Variants in PCDH11X observed in about 807,000 individuals in gnomAD.
PCDH11X encodes protocadherin-11 X-linked.
PCDH11X carries 18 observed loss-of-function variants against 53.3 expected under a neutral mutation model. That is an observed-to-expected ratio of 0.34 (90% confidence interval 0.23 to 0.50). The LOEUF is 0.50. PCDH11X is among the 20% of genes least tolerant of loss of function. PCDH11X has a pLI of 0.98. For synonymous variants in PCDH11X, 279 were observed against 393.3 expected, an observed-to-expected ratio of 0.71 and a Z score of 3.44; for missense variants, 570 against 1,032.4, an observed-to-expected ratio of 0.55 and a Z score of 6.14.
chrX:91,977,262 A>G (rs2062059293), intron 6 of PCDH11X, among the ~76,000 whole-genome samples: 1 of 111,819 alleles, frequency 8.9e-6, no homozygotes. Flanking sequence ...GCCTCTTGTC[A>G]TTGCTGTAGC....
chrX:92,540,705 A>G (rs896058899), intron 10 of PCDH11X, among the ~76,000 whole-genome samples: 4 of 107,171 alleles, frequency 3.7e-5, no homozygotes, highest in African/African-American at 1.4e-4. Flanking sequence ...CCCGAGGCCC[A>G]TGGAGTACTC....
chrX:92,212,886 C>T (rs1215045358), intron 7 of PCDH11X, among the ~76,000 whole-genome samples: 2 of 111,976 alleles, frequency 1.8e-5, no homozygotes, highest in Admixed American at 9.5e-5. Flanking sequence ...TATCTTTTGG[C>T]TTGAAGTTCA....
chrX:91,805,077 G>T (rs1476025322), intron 1 of PCDH11X, among the ~76,000 whole-genome samples: 19 of 103,026 alleles, frequency 1.8e-4, no homozygotes, highest in Non-Finnish European at 1.0e-4. Context: ...CTTTTTTTGT[G>T]AATGTAAAGG....
rs752161484 is a variant in PCDH11X at position 92,104,754 on chromosome X, T to C, written c.3034-96621T>C. Among the ~76,000 whole-genome samples the C allele has an allele frequency of 2.7e-5, 3 of 110,081 alleles. No individual in the cohort carries two copies. In the Admixed American group the frequency reaches 2.9e-4, roughly 11 times the overall value. ...GACATGGAGAAGGGGTGGGGTTTTC[T>C]TCCCCTCCAGAAAAGCAGAGAAAGA... On this transcript the variant is annotated intron_variant, in intron 6 of 10. Transcript: ENST00000682573.
At chrX:92,522,373 T>C (rs1272477758) in intron 10 of PCDH11X, among the ~76,000 whole-genome samples, 1 of 111,702 alleles carries the variant, frequency 9.0e-6, no homozygotes, top group Non-Finnish European at 1.9e-5. Flanking sequence ...CACACATTTA[T>C]TGATTGTTCG....
At chrX:92,521,376 T>C (rs762268301) in intron 10 of PCDH11X, among the ~76,000 whole-genome samples, 11 of 111,523 alleles carry the variant, frequency 9.9e-5, no homozygotes, top group African/African-American at 3.2e-4. Context: ...ACATTGGCAA[T>C]GAGCAGTAAT....
intron 6 of PCDH11X, among the ~76,000 whole-genome samples, chrX:92,021,108 C>T (rs889682308): frequency 2.1e-4 from 23 of 109,842 alleles, no homozygotes; most frequent in African/African-American, 7.6e-4. Context: ...TTCTGAAAAC[C>T]CAAAAGGCCA....
intron 6 of PCDH11X, chrX:92,113,121 T>A: frequency 4.2e-6 from 3 of 707,825 alleles, no homozygotes; most frequent in Non-Finnish European, 1.9e-6. Flanking sequence ...AAAAGTGACA[T>A]TTATTCAAAG....
chrX:91,891,189 G>A (rs1368119288), intron 6 of PCDH11X, among the ~76,000 whole-genome samples: 2 of 107,057 alleles, frequency 1.9e-5, no homozygotes, highest in African/African-American at 6.8e-5. Flanking sequence ...ACTAATTATA[G>A]AGCATCTTTC....
intron 10 of PCDH11X, among the ~76,000 whole-genome samples, chrX:92,494,151 A>C (rs917135100): frequency 2.7e-5 from 3 of 110,666 alleles, no homozygotes; most frequent in African/African-American, 9.8e-5. Context: ...CTCACCCTGA[A>C]CTCAAACGCA....
intron 6 of PCDH11X, among the ~76,000 whole-genome samples, chrX:91,967,815 A>T (rs111833662): frequency 0.013 from 1,433 of 112,277 alleles, 22 homozygotes; most frequent in African/African-American, 0.043. Flanking sequence ...AGCAGGAACA[A>T]CTTAGTTGTA....
At chrX:91,976,045 A>G (rs889832977) in intron 6 of PCDH11X, among the ~76,000 whole-genome samples, 1 of 111,440 alleles carries the variant, frequency 9.0e-6, no homozygotes, top group African/African-American at 3.3e-5. Context: ...TTACATATTT[A>G]TTATTTTCTT....
chrX:92,539,323 C>T (rs1444383058), intron 10 of PCDH11X, among the ~76,000 whole-genome samples: 1 of 111,614 alleles, frequency 9.0e-6, no homozygotes, highest in Non-Finnish European at 1.9e-5. Flanking sequence ...GTATTTTCCA[C>T]TAGCCTGTCT....
intron 9 of PCDH11X, among the ~76,000 whole-genome samples, chrX:92,424,787 C>T (rs1178053052): frequency 1.0e-5 from 1 of 97,334 alleles, no homozygotes; most frequent in African/African-American, 3.3e-5. Flanking sequence ...CTTTTGTTTA[C>T]CTTTCAGAGT....
intron 10 of PCDH11X, among the ~76,000 whole-genome samples, chrX:92,544,852 AC>A (rs970917558): frequency 4.5e-5 from 5 of 110,946 alleles, no homozygotes; most frequent in African/African-American, 1.6e-4. Context: ...TGGTATGAAT[AC>A]AATTTTTATA....
At chrX:91,929,080 A>T (rs1385242235) in intron 6 of PCDH11X, among the ~76,000 whole-genome samples, 1 of 111,308 alleles carries the variant, frequency 9.0e-6, no homozygotes, top group Admixed American at 9.6e-5. Flanking sequence ...TTAGATTATA[A>T]TAAATATTAA....
chrX:92,343,136 A>C (rs1230248103), intron 8 of PCDH11X, among the ~76,000 whole-genome samples: 3 of 112,278 alleles, frequency 2.7e-5, no homozygotes, highest in Admixed American at 9.4e-5. Flanking sequence ...TAAATGTGTA[A>C]AGGACAGCCT....
intron 4 of PCDH11X, among the ~76,000 whole-genome samples, chrX:91,824,015 T>A (rs1365897522): frequency 2.7e-5 from 3 of 111,304 alleles, no homozygotes; most frequent in Non-Finnish European, 3.8e-5. Context: ...CACTCTCTTC[T>A]GGCTTGTAGG....
At chrX:92,109,323 G>T (rs35549345) in intron 6 of PCDH11X, among the ~76,000 whole-genome samples, 1 of 110,497 alleles carries the variant, frequency 9.1e-6, no homozygotes, top group African/African-American at 3.3e-5. Context: ...GCTGTGAGCC[G>T]AGATCATGCC....
Sources: gnomAD v4.1 joint callset for allele counts (sites outside exome capture counted in the v4.1 genomes callset) on GRCh38, gnomAD v4.1.1 for gene constraint, MANE v1.5 for transcripts, NCBI Gene and HGNC (gene_info 2026-07-23, HGNC 2026-07-21) for gene names.